SCN11A: variants seen among roughly 807,000 people sequenced by gnomAD.
SCN11A encodes sodium voltage-gated channel alpha subunit 11, also known as sodium channel protein type 11 subunit alpha.
In SCN11A, 122 loss-of-function variants were observed where a neutral mutation model predicts 162.2. That is an observed-to-expected ratio of 0.75 (90% confidence interval 0.65 to 0.87). SCN11A has a LOEUF of 0.87. Among genes scored for constraint, SCN11A ranks in the 40% least tolerant of loss-of-function variants. The probability of loss-of-function intolerance (pLI) is 0.00; values close to 1 mark genes in which losing one functional copy is unlikely to be tolerated. For missense variants in SCN11A, 2,015 were observed against 2,181.6 expected (o/e 0.92, Z 1.52); for synonymous variants, 758 against 751.5 (o/e 1.01, Z -0.14).
chr3:38,990,096 G>A (rs1251560281), intron 2 of SCN11A, among the ~76,000 whole-genome samples: 2 of 152,216 alleles, frequency 1.3e-5, no homozygotes, highest in African/African-American at 4.8e-5. Context: ...GGGGATCAGG[G>A]GAAGTGCAGA....
chr3:38,878,518 G>A (rs2065257497), intron 23 of SCN11A, among the ~76,000 whole-genome samples: 1 of 152,048 alleles, frequency 6.6e-6, no homozygotes, highest in South Asian at 2.1e-4. Context: ...TGTTCACACA[G>A]TTTTTAGGGT....
intron 21 of SCN11A, among the ~76,000 whole-genome samples, chr3:38,884,130 T>A (rs757476239): frequency 6.6e-6 from 1 of 152,332 alleles, no homozygotes; most frequent in Middle Eastern, 3.4e-3. Context: ...CCTTTCCTCA[T>A]CTTCTTAAAC....
At chr3:38,957,447 C>T (rs62242307) in intron 3 of SCN11A, among the ~76,000 whole-genome samples, 6,514 of 152,224 alleles carry the variant, frequency 0.043, 188 homozygotes, top group Non-Finnish European at 0.065. Flanking sequence ...ACGACAGGCT[C>T]CCAATCCCCT....
chr3:38,899,500 C>A (rs1009659405), intron 17 of SCN11A, among the ~76,000 whole-genome samples: 1 of 152,288 alleles, frequency 6.6e-6, no homozygotes, highest in African/African-American at 2.4e-5. Context: ...GTCTTTGCCC[C>A]CCTTGGCGAG....
At position 38,939,858 on chromosome 3, in the gene SCN11A, G is replaced by A. The variant is rs61232194; in HGVS notation, c.488+5553C>T. Among the ~76,000 whole-genome samples, 742 of 150,954 alleles carry A rather than the reference G, an allele frequency of 4.9e-3. 6 individuals are homozygous for A. The highest frequency in any genetic ancestry group is 0.017 in the African/African-American group (705 of 41,036). On this transcript the variant is annotated intron_variant, in intron 7 of 29. Transcript: ENST00000302328. The stretch of plus-strand genomic sequence containing the variant: ...GAGGAGGTTGTGGTGAGCCAAAATC[G>A]CGCCATTGCACTCCAGCCTGAGCGA...
intron 2 of SCN11A, among the ~76,000 whole-genome samples, chr3:39,007,130 A>G (rs2031001638): frequency 6.6e-6 from 1 of 152,336 alleles, no homozygotes; most frequent in Non-Finnish European, 1.5e-5. Context: ...CACTGGACTC[A>G]TACCAAGACA....
Position 38,988,380 on chromosome 3 carries a change from G to C in SCN11A, c.-279-27957C>G, listed in dbSNP as rs374595656. Among the ~76,000 whole-genome samples, 11 of 152,164 alleles carry C rather than the reference G, an allele frequency of 7.2e-5. No individual in the cohort carries two copies. In the East Asian group the frequency reaches 1.5e-3, roughly 21 times the overall value. ...CATCATTCACCTCCTGGCCAGTACA[G>C]ACCCTGTGGCCTCCATCACAAGTCT... On this transcript the variant is annotated intron_variant, in intron 2 of 29. Coordinates refer to ENST00000302328, the MANE Select transcript of SCN11A (RefSeq NM_001349253.2).
chr3:38,900,830 G>T (rs1279728755), intron 16 of SCN11A, among the ~76,000 whole-genome samples: 1 of 152,062 alleles, frequency 6.6e-6, no homozygotes, highest in Non-Finnish European at 1.5e-5. Flanking sequence ...TATTTTCCAT[G>T]GGCAAAATAG....
At chr3:38,855,034 G>C (rs1042683720) in intron 28 of SCN11A, among the ~76,000 whole-genome samples, 2 of 152,202 alleles carry the variant, frequency 1.3e-5, no homozygotes, top group Admixed American at 6.5e-5. Flanking sequence ...CTGCAGATAC[G>C]AGTGCAGGAG....
intron 17 of SCN11A, 135 bp downstream of exon 17, chr3:38,899,759 G>A (rs947172436): frequency 1.1e-5 from 7 of 659,764 alleles, no homozygotes; most frequent in Admixed American, 2.9e-5. Context: ...TGTGCAGGAA[G>A]AGGAGTGCAG....
At chr3:38,962,336 C>T (rs1041438368) in intron 2 of SCN11A, among the ~76,000 whole-genome samples, 2 of 152,096 alleles carry the variant, frequency 1.3e-5, no homozygotes, top group African/African-American at 2.4e-5. Context: ...CTTAGTGTTG[C>T]TTTGGCTGTG....
intron 2 of SCN11A, among the ~76,000 whole-genome samples, chr3:39,024,237 T>C (rs569854988): frequency 6.6e-6 from 1 of 152,220 alleles, no homozygotes; most frequent in Non-Finnish European, 1.5e-5. Flanking sequence ...GATAGCCATG[T>C]AGAAATGTGA....
At chr3:38,904,879 T>C (rs1017627341) in intron 15 of SCN11A, among the ~76,000 whole-genome samples, 2 of 152,246 alleles carry the variant, frequency 1.3e-5, no homozygotes, top group Middle Eastern at 3.4e-3. Context: ...GTCACTTGGA[T>C]CTCTTGTGAC....
At chr3:38,926,516 C>T (rs916501433) in intron 8 of SCN11A, among the ~76,000 whole-genome samples, 1 of 150,382 alleles carries the variant, frequency 6.6e-6, no homozygotes, top group African/African-American at 2.5e-5. Flanking sequence ...TTCATTGGCA[C>T]ACCCCTGTAT....
chr3:38,893,954 C>A (rs1559512789), intron 19 of SCN11A, among the ~76,000 whole-genome samples: 1 of 152,142 alleles, frequency 6.6e-6, no homozygotes, highest in Admixed American at 6.5e-5. Context: ...CTGCCTTGAT[C>A]TGAAACTTCC....
intron 16 of SCN11A, among the ~76,000 whole-genome samples, chr3:38,903,388 T>G (rs1203390035): frequency 6.6e-6 from 1 of 152,122 alleles, no homozygotes; most frequent in Non-Finnish European, 1.5e-5. Context: ...CACCCCAGCC[T>G]GACCAACCCC....
At chr3:38,927,956 T>A (rs1322055844) in intron 7 of SCN11A, among the ~76,000 whole-genome samples, 1 of 152,084 alleles carries the variant, frequency 6.6e-6, no homozygotes, top group Non-Finnish European at 1.5e-5. Context: ...ACCAACGGAA[T>A]AGAATAGAGA....
chr3:38,987,994 T>C lies in SCN11A; in HGVS notation c.-279-27571A>G, dbSNP rs536103436. The stretch of plus-strand genomic sequence containing the variant: ...GAATCAAGCGTGAGGGAAACAGTCA[T>C]ACCGTCCTGCCTCCAGGACTAGCTA... On this transcript the variant is annotated intron_variant, in intron 2 of 29. Coordinates refer to ENST00000302328, the MANE Select transcript of SCN11A (RefSeq NM_001349253.2). Among the ~76,000 whole-genome samples the C allele has an allele frequency of 1.6e-3, 239 of 152,286 alleles. 3 individuals are homozygous for C. Among genetic ancestry groups the C allele is most frequent in the Non-Finnish European group, 5.6e-4 (38 of 68,022 alleles).
Position 38,953,709 on chromosome 3 carries a change from G to A in SCN11A, c.-88C>T, listed in dbSNP as rs995417916. Among the ~76,000 whole-genome samples the A allele has an allele frequency of 6.6e-6, 1 of 152,144 alleles. No individual in the cohort carries two copies. On this transcript the variant is annotated 5_prime_UTR_variant, in exon 4 of 30. Coordinates refer to ENST00000302328, the MANE Select transcript of SCN11A (RefSeq NM_001349253.2). ...GAGTGCAAGAAAAGGAGGGCACTGCGAGGGAATAAATTTGGTTTGCAACAC... is the reference window on the plus strand; with the variant it reads ...GAGTGCAAGAAAAGGAGGGCACTGCAAGGGAATAAATTTGGTTTGCAACAC...
Sources: gnomAD v4.1 joint callset for allele counts (sites outside exome capture counted in the v4.1 genomes callset) on GRCh38, gnomAD v4.1.1 for gene constraint, MANE v1.5 for transcripts, NCBI Gene and HGNC (gene_info 2026-07-23, HGNC 2026-07-21) for gene names.